Variants in POTEJ observed in about 807,000 individuals in gnomAD.
The protein encoded by POTEJ is POTE ankyrin domain family, member J.
POTEJ carries 11 observed loss-of-function variants against 69.0 expected under a neutral mutation model. That is an observed-to-expected ratio of 0.16 (90% confidence interval 0.10 to 0.26). The LOEUF is 0.26. Among genes scored for constraint, POTEJ ranks in the 10% least tolerant of loss-of-function variants. The probability of loss-of-function intolerance (pLI) is 1.00; values close to 1 mark genes in which losing one functional copy is unlikely to be tolerated. For missense variants in POTEJ, 327 were observed against 1,045.5 expected (o/e 0.31, Z 9.48); for synonymous variants, 117 against 381.1 (o/e 0.31, Z 8.07).
At chr2:130,638,435 T>C (rs1452052788) in intron 9 of POTEJ, among the ~76,000 whole-genome samples, 184 bp from the exon 10 acceptor site, 20 of 150,552 alleles carry the variant, frequency 1.3e-4, no homozygotes, top group African/African-American at 4.4e-4. Context: ...ATCTTACTTT[T>C]TTTTCTTCTT....
intron 9 of POTEJ, among the ~76,000 whole-genome samples, chr2:130,637,540 A>G (rs1686144672): frequency 1.3e-5 from 2 of 151,994 alleles, no homozygotes; most frequent in South Asian, 2.1e-4. Context: ...CTTTAAGGAA[A>G]TGGTGTGAAT....
chr2:130,637,684 A>G (rs188505907), intron 9 of POTEJ, among the ~76,000 whole-genome samples: 1,978 of 145,578 alleles, frequency 0.014, no homozygotes, highest in African/African-American at 0.053. Flanking sequence ...TATTGTTAGT[A>G]TGTATGTTAA....
At chr2:130,613,681 G>T (rs1409931314) in intron 1 of POTEJ, among the ~76,000 whole-genome samples, 1 of 137,612 alleles carries the variant, frequency 7.3e-6, no homozygotes, top group East Asian at 2.0e-4. Context: ...GGTTACAGGC[G>T]TGAGCCACCG....
At chr2:130,613,300 ATATGTATATATACATATATATACATATG>A (rs1685295235) in intron 1 of POTEJ, among the ~76,000 whole-genome samples, 1 of 118,700 alleles carries the variant, frequency 8.4e-6, no homozygotes, top group African/African-American at 3.9e-5. Flanking sequence ...ATATATATAC[ATATGTATATATACATATATATACATATG>A]TATATATACA....
chr2:130,644,455 C>A (rs1411937973), intron 11 of POTEJ, among the ~76,000 whole-genome samples: 2 of 151,964 alleles, frequency 1.3e-5, no homozygotes, highest in Non-Finnish European at 2.9e-5. Context: ...GGTGACAGAG[C>A]GAGACTCCAT....
At chr2:130,629,173 G>C (rs1573978656) in intron 6 of POTEJ, among the ~76,000 whole-genome samples, 1 of 148,860 alleles carries the variant, frequency 6.7e-6, no homozygotes, top group East Asian at 1.9e-4. Context: ...ACAGGAAGCA[G>C]GAGAGACCAA....
At chr2:130,638,585 A>AC in intron 9 of POTEJ, 34 bp from the exon 10 acceptor site, 1 of 708,972 alleles carries the variant, frequency 1.4e-6, no homozygotes. Flanking sequence ...GTATTTTAAA[A>AC]CAGTAATTTT....
rs1341016069 is a variant in POTEJ, at chr2:130,650,109, T to G, written c.1667+3799T>G. ...AATTGGGAACATACCAGGGATGCTC[T>G]CTAACGTAATTGAGGGAAGTTTCAA... On this transcript the variant is annotated intron_variant, in intron 13 of 14. Coordinates refer to ENST00000409602, the MANE Select transcript of POTEJ (RefSeq NM_001277083.2). 3.3e-5 allele frequency among the ~76,000 whole-genome samples: 5 copies of G among 152,386 alleles called. No homozygotes were observed. The East Asian group carries it at 9.6e-4, about 29-fold the overall frequency.
In POTEJ at chr2:130,622,674, C is replaced by G. The variant is rs1337659109; in HGVS notation, c.944+1071C>G. On this transcript the variant is annotated intron_variant, in intron 5 of 14. Transcript: ENST00000409602. ...GATTTACATGATAATGAAAATTGTC[C>G]CAGCTACTTCCATCTCTAGCTCAAG... is the stretch of plus-strand genomic sequence containing the variant. 9.1e-5 allele frequency among the ~76,000 whole-genome samples: 12 copies of G among 132,076 alleles called. 2 individuals carry two copies. The highest frequency in any genetic ancestry group is 3.8e-3 in the Middle Eastern group (1 of 264). 86.6% of individuals were successfully genotyped at this position (132,076 alleles called of 152,430 possible). A position where few individuals can be genotyped will look rare whatever the true frequency, so the allele number is the denominator to read the frequency against.
At chr2:130,644,378 G>C (rs1198698832) in intron 11 of POTEJ, among the ~76,000 whole-genome samples, 1 of 150,534 alleles carries the variant, frequency 6.6e-6, no homozygotes, top group African/African-American at 2.4e-5. Context: ...GCTGAGGCAG[G>C]AGAATGGCAT....
chr2:130,657,441 C>T lies in POTEJ; in HGVS notation c.2681C>T (p.Ala894Val), dbSNP rs1333846615. 6.3e-7 allele frequency: 1 copy of T among 1,597,312 alleles called. No individual in the cohort carries two copies. Among genetic ancestry groups the T allele is most frequent in the Non-Finnish European group, 8.5e-7 (1 of 1,170,014 alleles). The change falls in exon 15 of 15, where the codon GCC becomes GTC. Residue 894 changes from alanine (A) to valine (V), a missense_variant. Ala to Val is a moderately conservative substitution (Grantham distance 64). Coordinates refer to ENST00000409602, the MANE Select transcript of POTEJ (RefSeq NM_001277083.2). ...LDFEQEMAMVASSSSLEKSYE... is the reference protein window; with the variant it reads ...LDFEQEMAMVVSSSSLEKSYE... The stretch of plus-strand genomic sequence containing the variant: ...TTCGAGCAGGAGATGGCCATGGTGG[C>T]CTCCAGCTCCTCCCTAGAGAAGAGC...
At chr2:130,626,574 C>G (rs562418151) in intron 6 of POTEJ, among the ~76,000 whole-genome samples, 2 of 152,054 alleles carry the variant, frequency 1.3e-5, no homozygotes, top group Admixed American at 1.3e-4. Flanking sequence ...CATGACTGAG[C>G]TCCTATAAAA....
chr2:130,636,249 A>T (rs1408622868), intron 9 of POTEJ, among the ~76,000 whole-genome samples: 2 of 152,210 alleles, frequency 1.3e-5, no homozygotes, highest in Admixed American at 1.3e-4. Context: ...CACATTAAGG[A>T]ACATCCACTT....
intron 10 of POTEJ, among the ~76,000 whole-genome samples, chr2:130,639,376 C>G (rs1464341432): frequency 1.3e-5 from 2 of 152,302 alleles, no homozygotes. Flanking sequence ...GACTTCATTC[C>G]TCCTGTTTTG....
intron 9 of POTEJ, among the ~76,000 whole-genome samples, chr2:130,637,072 C>G (rs1193563973): frequency 6.9e-6 from 1 of 145,286 alleles, no homozygotes; most frequent in African/African-American, 2.5e-5. Context: ...GAGCAAGACT[C>G]CGTCTCAAAA....
At chr2:130,632,956 A>G (rs1462881747) in intron 9 of POTEJ, among the ~76,000 whole-genome samples, 1 of 147,536 alleles carries the variant, frequency 6.8e-6, no homozygotes, top group Non-Finnish European at 1.5e-5. Context: ...AAAGTGTATC[A>G]TGGAGATTTG....
At chr2:130,624,687 C>T (rs1685640076) in intron 6 of POTEJ, among the ~76,000 whole-genome samples, 1 of 151,870 alleles carries the variant, frequency 6.6e-6, no homozygotes, top group African/African-American at 2.4e-5. Flanking sequence ...GTTGAGGACC[C>T]CTGCTCTGCG....
chr2:130,611,334 G>A (rs1266192808), upstream of POTEJ: 14 of 619,296 alleles, frequency 2.3e-5, no homozygotes, highest in Admixed American at 2.0e-4. Flanking sequence ...TCGGGTGGGC[G>A]TGGGCTTTCC....
intron 6 of POTEJ, among the ~76,000 whole-genome samples, chr2:130,627,338 T>C (rs1266804508): frequency 6.7e-6 from 1 of 149,960 alleles, no homozygotes. Context: ...TGTATCACCA[T>C]CAATGATCAA....
Sources: gnomAD v4.1 joint callset for allele counts (sites outside exome capture counted in the v4.1 genomes callset) on GRCh38, gnomAD v4.1.1 for gene constraint, MANE v1.5 for transcripts, NCBI Gene and HGNC (gene_info 2026-07-23, HGNC 2026-07-21) for gene names.